The following DPP6 variants were observed in gnomAD, a reference collection of about 807,000 sequenced individuals.
The protein encoded by DPP6 is dipeptidyl peptidase like 6.
DPP6 carries 69 observed loss-of-function variants against 122.6 expected under a neutral mutation model. That is an observed-to-expected ratio of 0.56 (90% CI 0.46 to 0.69). The LOEUF (loss-of-function observed/expected upper bound fraction) is 0.69. Ranked by LOEUF, DPP6 falls within the 30% of genes least tolerant of loss-of-function variation. DPP6 has a pLI of 0.00. For missense variants in DPP6, 928 were observed against 1,116.9 expected (o/e 0.83, Z 2.41); for synonymous variants, 418 against 433.1 (o/e 0.97, Z 0.43).
intron 1 of DPP6, among the ~76,000 whole-genome samples, chr7:154,187,843 A>T (rs1371985862): frequency 6.6e-6 from 1 of 152,200 alleles, no homozygotes; most frequent in Non-Finnish European, 1.5e-5. Flanking sequence ...AGCTTTAAAA[A>T]AAAAACTTCT....
chr7:153,931,569 G>A (rs1209964127), intron 1 of DPP6, among the ~76,000 whole-genome samples: 1 of 151,924 alleles, frequency 6.6e-6, no homozygotes, highest in Non-Finnish European at 1.5e-5. Context: ...TATTTCATGG[G>A]AAAAAAACTA....
At chr7:154,243,848 T>C (rs906435813) in intron 1 of DPP6, among the ~76,000 whole-genome samples, 1 of 150,656 alleles carries the variant, frequency 6.6e-6, no homozygotes, top group African/African-American at 2.4e-5. Flanking sequence ...TGCAGGCAGA[T>C]CAAGAGAATT....
At chr7:154,037,050 T>A (rs1432237122) in intron 1 of DPP6, among the ~76,000 whole-genome samples, 1 of 152,190 alleles carries the variant, frequency 6.6e-6, no homozygotes, top group African/African-American at 2.4e-5. Flanking sequence ...CTTAGTTTCT[T>A]CAGTTCAAGG....
chr7:154,628,651 A>C (rs1835228472), intron 5 of DPP6, among the ~76,000 whole-genome samples: 1 of 152,124 alleles, frequency 6.6e-6, no homozygotes, highest in African/African-American at 2.4e-5. Context: ...GAGCTCGTTT[A>C]TTTTAACTAT....
chr7:154,441,455 A>G (rs1201942491), intron 1 of DPP6, among the ~76,000 whole-genome samples: 1 of 152,200 alleles, frequency 6.6e-6, no homozygotes, highest in Non-Finnish European at 1.5e-5. Flanking sequence ...CTATGCAATC[A>G]GTTCCTTTTG....
intron 21 of DPP6, among the ~76,000 whole-genome samples, chr7:154,883,311 C>G (rs1271122690): frequency 5.3e-5 from 8 of 150,666 alleles, no homozygotes; most frequent in Admixed American, 3.3e-4. Flanking sequence ...CACCCATACA[C>G]CTGCTCACAC....
intron 1 of DPP6, among the ~76,000 whole-genome samples, chr7:154,165,508 T>C (rs1797201523): frequency 6.6e-6 from 1 of 151,236 alleles, no homozygotes; most frequent in African/African-American, 2.5e-5. Flanking sequence ...TTATAGTCCT[T>C]TGGGTATATA....
At chr7:153,859,246 C>T in the DPP6 span, among the ~76,000 whole-genome samples, 8 of 152,160 alleles carry the variant, frequency 5.3e-5, no homozygotes, top group East Asian at 1.2e-3. Context: ...TTGCACCATG[C>T]ATTGCAGAAG....
chr7:154,573,131 C>T (rs189245872), intron 5 of DPP6, among the ~76,000 whole-genome samples: 2 of 152,288 alleles, frequency 1.3e-5, no homozygotes, highest in Non-Finnish European at 2.9e-5. Context: ...GATTCTCGTG[C>T]TCTTGGACTG....
At chr7:154,022,711 C>T (rs1304482760) in intron 1 of DPP6, among the ~76,000 whole-genome samples, 8 of 152,136 alleles carry the variant, frequency 5.3e-5, no homozygotes, top group South Asian at 4.1e-4. Context: ...ATCATGACTT[C>T]GTATCTCATT....
At chr7:153,896,378 A>G (rs1324444935) in intron 1 of DPP6, among the ~76,000 whole-genome samples, 6 of 152,162 alleles carry the variant, frequency 3.9e-5, no homozygotes, top group Admixed American at 6.5e-5. Context: ...TTCTTGTCCT[A>G]TATTTTTGGG....
chr7:154,330,599 T>A (rs897059532), intron 1 of DPP6, among the ~76,000 whole-genome samples: 72 of 152,146 alleles, frequency 4.7e-4, no homozygotes, highest in Admixed American at 2.6e-4. Context: ...GAGATGAACA[T>A]GAAGAGAAAG....
At chr7:154,190,178 T>C (rs1798545210) in intron 1 of DPP6, among the ~76,000 whole-genome samples, 1 of 152,226 alleles carries the variant, frequency 6.6e-6, no homozygotes, top group Non-Finnish European at 1.5e-5. Flanking sequence ...GGGCTTTCAC[T>C]GATATACTAG....
chr7:153,876,816 C>A, the DPP6 span, among the ~76,000 whole-genome samples: 1 of 152,040 alleles, frequency 6.6e-6, no homozygotes, highest in Non-Finnish European at 1.5e-5. Flanking sequence ...ACCTGTACAG[C>A]ATGTTGCTGG....
intron 1 of DPP6, among the ~76,000 whole-genome samples, chr7:153,927,901 C>T (rs1316669303): frequency 6.6e-6 from 1 of 152,084 alleles, no homozygotes; most frequent in East Asian, 1.9e-4. Context: ...AAACAGTAAA[C>T]ATCAGTGCAC....
intron 7 of DPP6, among the ~76,000 whole-genome samples, chr7:154,707,499 T>C (rs1249088242): frequency 6.6e-6 from 1 of 152,210 alleles, no homozygotes; most frequent in Admixed American, 6.5e-5. Context: ...TAAACAGTTA[T>C]AGCCATTGCA....
intron 3 of DPP6, among the ~76,000 whole-genome samples, chr7:154,503,106 G>A (rs1268418266): frequency 6.6e-6 from 1 of 152,140 alleles, no homozygotes; most frequent in Non-Finnish European, 1.5e-5. Context: ...TGCTCTAGAA[G>A]GGAAAATTGG....
At chr7:154,535,470 T>C (rs1327306183) in intron 3 of DPP6, among the ~76,000 whole-genome samples, 1 of 151,996 alleles carries the variant, frequency 6.6e-6, no homozygotes, top group East Asian at 1.9e-4. Flanking sequence ...ACACATGCCA[T>C]GGTGGTTTGC....
At chr7:154,400,613 T>C (rs978851925) in intron 1 of DPP6, among the ~76,000 whole-genome samples, 2 of 152,236 alleles carry the variant, frequency 1.3e-5, no homozygotes, top group Admixed American at 6.5e-5. Flanking sequence ...TAGTAGCTGA[T>C]ATGAGTTTGG....
Sources: gnomAD v4.1 joint callset for allele counts (sites outside exome capture counted in the v4.1 genomes callset) on GRCh38, gnomAD v4.1.1 for gene constraint, MANE v1.5 for transcripts, NCBI Gene and HGNC (gene_info 2026-07-23, HGNC 2026-07-21) for gene names.